The following PDE4B variants were observed in gnomAD, a reference collection of about 807,000 sequenced individuals.
PDE4B encodes the protein 3',5'-cyclic-AMP phosphodiesterase 4B.
A neutral mutation model predicts 82.2 loss-of-function variants in PDE4B; 20 were observed. The observed-to-expected ratio is 0.24, with a 90% CI of 0.17 to 0.35. The LOEUF (loss-of-function observed/expected upper bound fraction) is 0.35, where lower values mean the gene tolerates loss of function less well. PDE4B is among the 10% of genes least tolerant of loss of function. The pLI is 1.00. For missense variants in PDE4B, 655 were observed against 907.2 expected, an observed-to-expected ratio of 0.72 and a Z score of 3.57; for synonymous variants, 320 against 318.9, an observed-to-expected ratio of 1.00 and a Z score of -0.04.
chr1:66,212,496 C>G (rs570047245), intron 3 of PDE4B, among the ~76,000 whole-genome samples: 5 of 146,572 alleles, frequency 3.4e-5, no homozygotes, highest in East Asian at 3.9e-4. Flanking sequence ...CTAGCTTTCC[C>G]CTCCTCTCTC....
chr1:65,967,053 A>G (rs1201416588), intron 3 of PDE4B, among the ~76,000 whole-genome samples: 7 of 152,018 alleles, frequency 4.6e-5, no homozygotes, highest in Admixed American at 3.9e-4. Flanking sequence ...TAATTAAACT[A>G]AAGAGCTTCT....
intron 2 of PDE4B, among the ~76,000 whole-genome samples, chr1:65,917,931 G>C (rs1033467679): frequency 6.6e-6 from 1 of 152,086 alleles, no homozygotes; most frequent in Non-Finnish European, 1.5e-5. Flanking sequence ...TGGGAGGCCG[G>C]GACAGGCAGA....
chr1:66,236,676 A>C lies in PDE4B; in HGVS notation c.282-10784A>C, dbSNP rs183031723. Among the ~76,000 whole-genome samples the C allele has an allele frequency of 9.9e-5, 15 of 152,282 alleles. No individual in the cohort carries two copies. In the East Asian group the frequency reaches 2.9e-3, roughly 29 times the overall value. ...CATGCAAAATACAAAACGATGATGC[A>C]GGAGAGAGTAAATGTATGCAGAAGG... On this transcript the variant is annotated intron_variant, in intron 3 of 16. Coordinates refer to ENST00000341517, the MANE Select transcript of PDE4B (RefSeq NM_002600.4).
intron 3 of PDE4B, among the ~76,000 whole-genome samples, chr1:66,241,293 T>C (rs1652870722): frequency 6.6e-6 from 1 of 152,204 alleles, no homozygotes; most frequent in East Asian, 1.9e-4. Flanking sequence ...CATTAGAAAT[T>C]AGGACTGGCT....
rs952361817 is a variant in PDE4B, at chr1:66,029,514, T to C, written c.281+110679T>C. ...ATTACAAATATTTTACAGCAAACTT[T>C]TTCAATTTGTCATTATTGAAAATGT... On this transcript the variant is annotated intron_variant, in intron 3 of 16. Transcript: ENST00000341517. 2.0e-5 allele frequency among the ~76,000 whole-genome samples: 3 copies of C among 152,242 alleles called. No homozygotes were observed. The East Asian group carries it at 5.8e-4, about 29-fold the overall frequency.
chr1:66,134,335 G>C (rs1221062148), intron 3 of PDE4B, among the ~76,000 whole-genome samples: 2 of 152,176 alleles, frequency 1.3e-5, no homozygotes, highest in African/African-American at 4.8e-5. Context: ...GATAGAAGTG[G>C]TACCTAGAAG....
In PDE4B at chr1:66,292,893, T is replaced by C. The variant is rs1160740742; in HGVS notation, c.634+26806T>C. Among the ~76,000 whole-genome samples the C allele has an allele frequency of 2.0e-5, 3 of 152,206 alleles. No homozygotes were observed. In the East Asian group the frequency reaches 5.8e-4, roughly 29 times the overall value. On this transcript the variant is annotated intron_variant, in intron 7 of 16. Coordinates refer to ENST00000341517, the MANE Select transcript of PDE4B (RefSeq NM_002600.4). ...TCTATCCTAAGGAAGTTTGAATGAA[T>C]TTAAGATATTTTCCAATGACTTTAG...
At chr1:65,844,292 A>G (rs1465109277) in intron 1 of PDE4B, among the ~76,000 whole-genome samples, 1 of 152,198 alleles carries the variant, frequency 6.6e-6, no homozygotes, top group East Asian at 1.9e-4. Context: ...ATTTTCTATG[A>G]TTTCAGGTAT....
At chr1:66,247,722 GCAA>G in intron 4 of PDE4B, 68 bp downstream of exon 4, 2 of 1,174,304 alleles carry the variant, frequency 1.7e-6, no homozygotes, top group Non-Finnish European at 1.2e-6. Context: ...CACAGTGGCA[GCAA>G]CAACAATTCC....
intron 1 of PDE4B, among the ~76,000 whole-genome samples, chr1:65,839,386 A>C (rs750516901): frequency 6.6e-5 from 10 of 152,040 alleles, no homozygotes; most frequent in Non-Finnish European, 1.5e-4. Context: ...CATCATCTAC[A>C]TTAGGTATTT....
At chr1:66,154,458 T>C (rs1308950246) in intron 3 of PDE4B, among the ~76,000 whole-genome samples, 2 of 152,138 alleles carry the variant, frequency 1.3e-5, no homozygotes, top group Non-Finnish European at 2.9e-5. Context: ...AGAAGAGAGA[T>C]AGGAAAAAAG....
At chr1:66,293,955 C>T (rs1489352645) in intron 7 of PDE4B, among the ~76,000 whole-genome samples, 1 of 152,180 alleles carries the variant, frequency 6.6e-6, no homozygotes, top group Admixed American at 6.5e-5. Context: ...CCTGTAATCC[C>T]AGCACTTTGG....
At chr1:65,920,604 T>C (rs1384607793) in intron 3 of PDE4B, among the ~76,000 whole-genome samples, 1 of 152,208 alleles carries the variant, frequency 6.6e-6, no homozygotes, top group Admixed American at 6.5e-5. Flanking sequence ...TCATAGGCTA[T>C]TGTGAGGATT....
chr1:65,876,676 G>C (rs1158031596), intron 1 of PDE4B, among the ~76,000 whole-genome samples: 1 of 151,986 alleles, frequency 6.6e-6, no homozygotes, highest in African/African-American at 2.4e-5. Context: ...ATGACACATT[G>C]TATGTATATA....
In PDE4B at chr1:65,973,882, G is replaced by A. The variant is rs144488327; in HGVS notation, c.281+55047G>A. On this transcript the variant is annotated intron_variant, in intron 3 of 16. Coordinates refer to ENST00000341517, the MANE Select transcript of PDE4B (RefSeq NM_002600.4). ...AGCTGGAAAGCAATGGCACGATGCCGGCTCACTGTAACGTCCACCTCCTGG... is the reference window on the plus strand; with the variant it reads ...AGCTGGAAAGCAATGGCACGATGCCAGCTCACTGTAACGTCCACCTCCTGG... 5.6e-4 allele frequency among the ~76,000 whole-genome samples: 85 copies of A among 151,974 alleles called. No individual in the cohort carries two copies. The East Asian group carries it at 0.013, about 23-fold the overall frequency.
rs1570341483 is a variant in PDE4B at position 66,146,904 on chromosome 1, G to T, written c.282-100556G>T. Reference sequence around the variant, plus strand: ...GTTCCTATTGCACACTAAAAATGATGGGTAAACACAAAGGACAAAGGACAG... The same window carrying T: ...GTTCCTATTGCACACTAAAAATGATTGGTAAACACAAAGGACAAAGGACAG... On this transcript the variant is annotated intron_variant, in intron 3 of 16. Coordinates refer to ENST00000341517, the MANE Select transcript of PDE4B (RefSeq NM_002600.4). 3.9e-5 allele frequency among the ~76,000 whole-genome samples: 6 copies of T among 152,202 alleles called. No homozygotes were observed. In the South Asian group the frequency reaches 1.2e-3, roughly 32 times the overall value.
At chr1:66,342,786 G>A (rs1007903286) in intron 8 of PDE4B, among the ~76,000 whole-genome samples, 1 of 151,772 alleles carries the variant, frequency 6.6e-6, no homozygotes, top group Non-Finnish European at 1.5e-5. Flanking sequence ...GCTCACGCCT[G>A]TAATCCCAAA....
chr1:65,833,159 T>C (rs1265663919), intron 1 of PDE4B, among the ~76,000 whole-genome samples: 1 of 152,216 alleles, frequency 6.6e-6, no homozygotes, highest in East Asian at 1.9e-4. Context: ...ATGTATGTCA[T>C]TGTAAAAATT....
chr1:66,120,224 G>C (rs953018106), intron 3 of PDE4B, among the ~76,000 whole-genome samples: 2 of 152,126 alleles, frequency 1.3e-5, no homozygotes, highest in African/African-American at 4.8e-5. Context: ...AAACTTCCCT[G>C]ATCTTTCTAG....
Sources: gnomAD v4.1 joint callset for allele counts (sites outside exome capture counted in the v4.1 genomes callset) on GRCh38, gnomAD v4.1.1 for gene constraint, MANE v1.5 for transcripts, NCBI Gene and HGNC (gene_info 2026-07-23, HGNC 2026-07-21) for gene names.